The following PRTG variants were observed in gnomAD, a reference collection of about 807,000 sequenced individuals.
PRTG encodes protogenin, also known as immunoglobulin superfamily, DCC subclass, member 5.
A neutral mutation model predicts 122.5 loss-of-function variants in PRTG; 67 were observed. The observed-to-expected ratio is 0.55, with a 90% confidence interval of 0.45 to 0.67. The LOEUF (loss-of-function observed/expected upper bound fraction) is 0.67, where lower values mean the gene tolerates loss of function less well. PRTG is among the 30% of genes least tolerant of loss of function. The probability of loss-of-function intolerance (pLI) is 0.00; values close to 1 mark genes in which losing one functional copy is unlikely to be tolerated. For missense variants in PRTG, 1,435 were observed against 1,415.4 expected, an observed-to-expected ratio of 1.01 and a Z score of -0.22; for synonymous variants, 554 against 501.1, an observed-to-expected ratio of 1.11 and a Z score of -1.41.
Position 55,624,497 on chromosome 15 carries a change from C to G in PRTG, c.2938G>C (p.Ala980Pro), listed in dbSNP as rs753754451. The change falls in exon 18 of 20, where the codon GCT becomes CCT. Residue 980 changes from alanine (A) to proline (P), a missense_variant. Physicochemically the swap from Ala to Pro is conservative, Grantham distance 27. Coordinates refer to ENST00000389286, the MANE Select transcript of PRTG (RefSeq NM_173814.6). ...IYRSKARKSS[A>P]SKTAQNGTQQ... Reference sequence around the variant, plus strand: ...GTTCCATTCTGTGCCGTCTTGGAAGCAGATGATTTCCTAAAACATTGGCAA... The same window carrying G: ...GTTCCATTCTGTGCCGTCTTGGAAGGAGATGATTTCCTAAAACATTGGCAA... 1 of 1,609,036 alleles carries G rather than the reference C, an allele frequency of 6.2e-7. No individual in the cohort carries two copies. Among genetic ancestry groups the G allele is most frequent in the Admixed American group, 1.7e-5 (1 of 59,260 alleles).
At chr15:55,691,449 A>G (rs1279302570) in intron 2 of PRTG, among the ~76,000 whole-genome samples, 1 of 152,074 alleles carries the variant, frequency 6.6e-6, no homozygotes, top group South Asian at 2.1e-4. Flanking sequence ...TTGGGAGGCC[A>G]AGGAGGGTGG....
Position 55,683,782 on chromosome 15 carries a change from T to C in PRTG, c.542+5A>G. ...TCATCTCCAAAGACAAAAATCTACA[T>C]CTACCTGTCCATAGTCATAGGTAGA... On this transcript the variant is annotated splice_donor_5th_base_variant and intron_variant, in intron 3 of 19. Transcript: ENST00000389286. 2 of 1,608,160 alleles carry C rather than the reference T, an allele frequency of 1.2e-6. No individual in the cohort carries two copies. Among genetic ancestry groups the C allele is most frequent in the Non-Finnish European group, 1.7e-6 (2 of 1,176,838 alleles).
intron 2 of PRTG, among the ~76,000 whole-genome samples, chr15:55,686,398 C>T (rs1267386576): frequency 6.6e-6 from 1 of 151,994 alleles, no homozygotes; most frequent in Non-Finnish European, 1.5e-5. Flanking sequence ...AAATATCTTA[C>T]TTAGTTTAAA....
intron 2 of PRTG, among the ~76,000 whole-genome samples, chr15:55,717,950 T>A (rs1159808464): frequency 1.3e-5 from 2 of 152,184 alleles, no homozygotes; most frequent in African/African-American, 2.4e-5. Context: ...TCGGGGGACC[T>A]CCCTTTGGAG....
chr15:55,620,776 A>G lies in PRTG; in HGVS notation c.3094-9T>C. 1 of 1,575,692 alleles carries G rather than the reference A, an allele frequency of 6.3e-7. No individual in the cohort carries two copies. The highest frequency in any genetic ancestry group is 2.3e-5 in the East Asian group (1 of 44,142). ...ATCAGGTCAGTTCCTCCCTGAGGAA[A>G]TAAAAGAGGGGAAATGTAAAATATC... On this transcript the variant is annotated splice_polypyrimidine_tract_variant and intron_variant, in intron 18 of 19. Transcript: ENST00000389286.
chr15:55,697,725 G>C (rs933197735), intron 2 of PRTG, among the ~76,000 whole-genome samples: 1 of 152,074 alleles, frequency 6.6e-6, no homozygotes, highest in Admixed American at 6.6e-5. Flanking sequence ...CCTGACCTCA[G>C]GTGATCTGCT....
chr15:55,689,850 C>G (rs1228167908), intron 2 of PRTG, among the ~76,000 whole-genome samples: 1 of 151,816 alleles, frequency 6.6e-6, no homozygotes, highest in Non-Finnish European at 1.5e-5. Context: ...ATGGTGTGAA[C>G]CCAGGAGGTG....
At chr15:55,741,904 C>T (rs2031621667) in intron 1 of PRTG, among the ~76,000 whole-genome samples, 1 of 152,196 alleles carries the variant, frequency 6.6e-6, no homozygotes, top group South Asian at 2.1e-4. Flanking sequence ...CAGAAACTAA[C>T]CCCATTGCAG....
intron 11 of PRTG, among the ~76,000 whole-genome samples, chr15:55,671,486 T>C (rs2059471056): frequency 6.6e-6 from 1 of 152,194 alleles, no homozygotes; most frequent in South Asian, 2.1e-4. Context: ...TTTATATCCA[T>C]GTATTCTTTT....
intron 12 of PRTG, 141 bp from the exon 13 acceptor site, chr15:55,639,969 A>G: frequency 6.9e-7 from 1 of 1,456,360 alleles, no homozygotes. Flanking sequence ...TGATCTAGAG[A>G]TGTATCATCC....
Position 55,615,187 on chromosome 15 carries a change from T to G in PRTG, c.*4825A>C, listed in dbSNP as rs1263757238. 1.3e-5 allele frequency: 2 copies of G among 152,002 alleles called. No homozygotes were observed. Among genetic ancestry groups the G allele is most frequent in the Non-Finnish European group, 2.9e-5 (2 of 67,952 alleles). The allele number at this position is 152,002 out of a possible 1,614,324, so 9.4% of individuals were successfully genotyped here. On this transcript the variant is annotated 3_prime_UTR_variant, in exon 20 of 20. Transcript: ENST00000389286. ...TAAAAAACTAGAAAAGGAAATAGAT[T>G]TTTCCCTAAAGCCTCAAAAAGAAAC...
intron 2 of PRTG, among the ~76,000 whole-genome samples, chr15:55,712,605 T>C (rs905031087): frequency 1.3e-5 from 2 of 152,218 alleles, no homozygotes; most frequent in Non-Finnish European, 2.9e-5. Flanking sequence ...GGTAATCTGA[T>C]TGATAACTCA....
At position 55,680,596 on chromosome 15, in the gene PRTG, T is replaced by C. The variant is rs371244492; in HGVS notation, c.709A>G (p.Ile237Val). The change falls in exon 5 of 20, where the codon ATT becomes GTT. Residue 237 changes from isoleucine to valine, a missense_variant. By Grantham distance (29) the Ile-to-Val change is conservative. Transcript: ENST00000389286. ...KESKSFHTPTIIAGPQNITTS... is the reference protein window; with the variant it reads ...KESKSFHTPTVIAGPQNITTS... ...GTTATGTTCTGTGGACCTGCTATAA[T>C]TGTTGGTGTGTGGAAGGATTTTGAC... is the stretch of plus-strand genomic sequence containing the variant. The C allele has an allele frequency of 2.5e-6, 4 of 1,570,474 alleles. No homozygotes were observed. Among genetic ancestry groups the C allele is most frequent in the African/African-American group, 2.7e-5 (2 of 74,272 alleles).
At chr15:55,670,547 T>A (rs2059463544) in intron 11 of PRTG, among the ~76,000 whole-genome samples, 1 of 152,192 alleles carries the variant, frequency 6.6e-6, no homozygotes, top group South Asian at 2.1e-4. Context: ...GCTAATGTCA[T>A]CTCAGTATCA....
chr15:55,729,570 T>C (rs1407420220), intron 2 of PRTG, among the ~76,000 whole-genome samples: 2 of 151,946 alleles, frequency 1.3e-5, no homozygotes, highest in South Asian at 2.1e-4. Context: ...AGCCTGGGCA[T>C]AGCAAGATTC....
Position 55,678,048 on chromosome 15 carries a change from G to C in PRTG, c.1134-4C>G. The C allele has an allele frequency of 1.3e-6, 2 of 1,539,650 alleles. No homozygotes were observed. The highest frequency in any genetic ancestry group is 2.3e-5 in the East Asian group (1 of 44,036). On this transcript the variant is annotated splice_polypyrimidine_tract_variant and splice_region_variant and intron_variant, in intron 7 of 19. Transcript: ENST00000389286. ...AATCTGGTTAATTACCAATTTACTA[G>C]GGAAAGAAAAAAAATTATTTCCATG... is the stretch of plus-strand genomic sequence containing the variant.
Position 55,652,716 on chromosome 15 carries a change from G to T in PRTG, c.2042-11508C>A, listed in dbSNP as rs376032640. On this transcript the variant is annotated intron_variant, in intron 11 of 19. Coordinates refer to ENST00000389286, the MANE Select transcript of PRTG (RefSeq NM_173814.6). ...GCCGAGTGAAACGCTACGATAAAAT[G>T]CTATGTGTAAGCACAGTAACAAAAA... 1.3e-4 allele frequency among the ~76,000 whole-genome samples: 20 copies of T among 152,282 alleles called. No individual in the cohort carries two copies. The South Asian group carries it at 3.9e-3, about 30-fold the overall frequency.
intron 11 of PRTG, among the ~76,000 whole-genome samples, chr15:55,663,539 C>T (rs1245624080): frequency 5.9e-4 from 84 of 142,922 alleles, no homozygotes; most frequent in Admixed American, 1.8e-3. Flanking sequence ...CTTTTCTTTT[C>T]TTTTTTTTTT....
chr15:55,738,210 G>A, intron 2 of PRTG: 1 of 303,782 alleles, frequency 3.3e-6, no homozygotes, highest in Non-Finnish European at 5.9e-6. Flanking sequence ...ACAACTGTCT[G>A]CAAAATCATT....
Sources: gnomAD v4.1 joint callset for allele counts (sites outside exome capture counted in the v4.1 genomes callset) on GRCh38, gnomAD v4.1.1 for gene constraint, MANE v1.5 for transcripts, NCBI Gene and HGNC (gene_info 2026-07-23, HGNC 2026-07-21) for gene names.